Variants in DAB1 observed in about 807,000 individuals in gnomAD.
DAB1 encodes disabled homolog 1.
A neutral mutation model predicts 64.6 loss-of-function variants in DAB1; 15 were observed. That is an observed-to-expected ratio of 0.23 (90% CI 0.16 to 0.36). The LOEUF (loss-of-function observed/expected upper bound fraction) is 0.36. Among genes scored for constraint, DAB1 ranks in the 10% least tolerant of loss-of-function variants. DAB1 has a pLI of 1.00. For missense variants in DAB1, 596 were observed against 706.7 expected, an observed-to-expected ratio of 0.84 and a Z score of 1.78; for synonymous variants, 235 against 251.9, an observed-to-expected ratio of 0.93 and a Z score of 0.64.
At chr1:57,713,554 G>C (rs1006185632) in intron 6 of DAB1, among the ~76,000 whole-genome samples, 2 of 152,244 alleles carry the variant, frequency 1.3e-5, no homozygotes, top group Middle Eastern at 3.4e-3. Context: ...TAATGGGAAG[G>C]CATTTTGGAA....
At chr1:58,049,372 CT>C in intron 5 of DAB1, 1 of 567,942 alleles carries the variant, frequency 1.8e-6, no homozygotes, top group Non-Finnish European at 3.2e-6. Context: ...ACGAATGTAT[CT>C]TAACCTGAAC....
chr1:57,398,939 C>T (rs1163497692), intron 1 of DAB1, among the ~76,000 whole-genome samples: 1 of 152,218 alleles, frequency 6.6e-6, no homozygotes, highest in East Asian at 1.9e-4. Context: ...AATGTGTGCT[C>T]TCCTGGTATT....
chr1:57,092,102 C>T (rs1223854290), intron 4 of DAB1, among the ~76,000 whole-genome samples: 2 of 152,218 alleles, frequency 1.3e-5, no homozygotes, highest in African/African-American at 2.4e-5. Flanking sequence ...AAGTGCAGCT[C>T]CTGGGTAAAC....
intron 3 of DAB1, among the ~76,000 whole-genome samples, chr1:58,435,227 G>T (rs1399597592): frequency 6.6e-6 from 1 of 152,036 alleles, no homozygotes; most frequent in African/African-American, 2.4e-5. Context: ...CCTCCCTCAG[G>T]ATTCTGAACT....
intron 2 of DAB1, among the ~76,000 whole-genome samples, chr1:57,244,455 A>T (rs1423321829): frequency 2.0e-5 from 3 of 152,252 alleles, no homozygotes; most frequent in Non-Finnish European, 4.4e-5. Context: ...GACTTAGAGT[A>T]TCACCAAATA....
intron 5 of DAB1, among the ~76,000 whole-genome samples, chr1:57,966,603 C>T (rs1301566154): frequency 6.6e-6 from 1 of 152,170 alleles, no homozygotes; most frequent in Non-Finnish European, 1.5e-5. Context: ...AGAAATAACA[C>T]ATTGTTATTT....
At chr1:57,867,753 G>T (rs1654370834) in intron 1 of DAB1, among the ~76,000 whole-genome samples, 1 of 152,174 alleles carries the variant, frequency 6.6e-6, no homozygotes, top group East Asian at 1.9e-4. Context: ...GCTAAGGACA[G>T]AAGTGATAGT....
intron 7 of DAB1, among the ~76,000 whole-genome samples, chr1:57,500,331 A>T (rs891137470): frequency 3.0e-4 from 45 of 152,244 alleles, no homozygotes; most frequent in African/African-American, 1.0e-3. Context: ...TCTGATGCAC[A>T]GAAAACGAAG....
At position 57,189,200 on chromosome 1, in the gene DAB1, G is replaced by A. The variant is rs150353146; in HGVS notation, c.68-43771C>T. Among the ~76,000 whole-genome samples the A allele has an allele frequency of 7.6e-4, 116 of 152,228 alleles. 1 individual carries two copies. The highest frequency in any genetic ancestry group is 2.6e-3 in the African/African-American group (108 of 41,542). ...TAATAACTTAACGGCTGATGTTACA[G>A]GAGCTCCATCCAAGTGGTTTCACCA... On this transcript the variant is annotated intron_variant, in intron 2 of 14. Coordinates refer to ENST00000371236, the MANE Select transcript of DAB1 (RefSeq NM_001365792.1).
intron 6 of DAB1, among the ~76,000 whole-genome samples, chr1:57,815,086 T>G (rs11207114): frequency 0.018 from 2,712 of 152,230 alleles, 89 homozygotes; most frequent in African/African-American, 0.063. Context: ...TTGTTTGTTT[T>G]TTTGAGACAG....
At chr1:57,367,043 C>CAAAATAAAATAAAATAAAAAATAAT (rs1680061154) in intron 1 of DAB1, among the ~76,000 whole-genome samples, 5 of 91,670 alleles carry the variant, frequency 5.5e-5, no homozygotes, top group Non-Finnish European at 9.1e-5. Flanking sequence ...CCTGTCTCCA[C>CAAAATAAAATAAAATAAAAAATAAT]AAAATAAAAT....
intron 6 of DAB1, among the ~76,000 whole-genome samples, chr1:57,717,058 G>C (rs1007905306): frequency 6.6e-6 from 1 of 151,974 alleles, no homozygotes; most frequent in African/African-American, 2.4e-5. Flanking sequence ...GGTCAACATA[G>C]TGAAACCCCA....
chr1:57,008,512 C>A (rs1646164964), intron 14 of DAB1, among the ~76,000 whole-genome samples: 2 of 152,118 alleles, frequency 1.3e-5, no homozygotes, highest in Admixed American at 6.6e-5. Flanking sequence ...GTGCTAAGAG[C>A]TTCACATATA....
At chr1:57,922,408 A>G (rs1050188646) in intron 5 of DAB1, among the ~76,000 whole-genome samples, 2 of 152,086 alleles carry the variant, frequency 1.3e-5, no homozygotes, top group African/African-American at 4.8e-5. Context: ...GGAAGAAGGA[A>G]GGGAGGAAGT....
chr1:57,420,583 G>A (rs2101086373), intron 1 of DAB1, among the ~76,000 whole-genome samples: 1 of 152,316 alleles, frequency 6.6e-6, no homozygotes, highest in East Asian at 1.9e-4. Flanking sequence ...GAAGTAGCTG[G>A]ATTCAATCCT....
intron 3 of DAB1, among the ~76,000 whole-genome samples, chr1:58,404,012 G>T (rs899535391): frequency 2.5e-4 from 38 of 152,276 alleles, no homozygotes; most frequent in African/African-American, 8.7e-4. Flanking sequence ...AACATTTGTA[G>T]GTTTATCCCA....
intron 1 of DAB1, chr1:58,536,560 A>G (rs768792901): frequency 5.7e-6 from 5 of 872,748 alleles, no homozygotes; most frequent in East Asian, 2.4e-5. Context: ...TCTTTCCCCA[A>G]TAATAGTAGC....
At chr1:57,340,573 G>A (rs1677490374) in intron 1 of DAB1, among the ~76,000 whole-genome samples, 1 of 152,214 alleles carries the variant, frequency 6.6e-6, no homozygotes, top group Non-Finnish European at 1.5e-5. Context: ...TGGAGACACA[G>A]TCTACATTTG....
chr1:57,765,211 C>G (rs138913250), intron 6 of DAB1, among the ~76,000 whole-genome samples: 269 of 152,226 alleles, frequency 1.8e-3, no homozygotes, highest in African/African-American at 6.3e-3. Context: ...AACTTTTAAA[C>G]ACGCTATGTT....
Sources: gnomAD v4.1 joint callset for allele counts (sites outside exome capture counted in the v4.1 genomes callset) on GRCh38, gnomAD v4.1.1 for gene constraint, MANE v1.5 for transcripts, NCBI Gene and HGNC (gene_info 2026-07-23, HGNC 2026-07-21) for gene names.